Variants in LAMA3 observed in about 807,000 individuals in gnomAD.
LAMA3 encodes laminin subunit alpha 3, also known as laminin subunit alpha-3.
A neutral mutation model predicts 402.0 loss-of-function variants in LAMA3; 281 were observed. The ratio of observed to expected loss-of-function variants is 0.70; its 90% CI spans 0.63 to 0.77. LAMA3 has a LOEUF of 0.77. Among genes scored for constraint, LAMA3 ranks in the 30% least tolerant of loss-of-function variants. The probability of loss-of-function intolerance (pLI) is 0.00; values close to 1 mark genes in which losing one functional copy is unlikely to be tolerated. For synonymous variants in LAMA3, 1,431 were observed against 1,558.4 expected (o/e 0.92, Z 1.93); for missense variants, 3,840 against 4,215.5 (o/e 0.91, Z 2.47).
intron 1 of LAMA3, among the ~76,000 whole-genome samples, chr18:23,696,798 A>G (rs2060693597): frequency 6.6e-6 from 1 of 152,214 alleles, no homozygotes; most frequent in Non-Finnish European, 1.5e-5. Flanking sequence ...CTGCACCCTG[A>G]TAGATGAACT....
At chr18:23,902,940 C>T (rs1007485890) in intron 48 of LAMA3, 69 bp from the exon 49 acceptor site, 20 of 859,614 alleles carry the variant, frequency 2.3e-5, no homozygotes, top group Non-Finnish European at 3.4e-5. Flanking sequence ...TGCTATTGTC[C>T]CATAAATTTG....
At chr18:23,708,840 C>G (rs185845188) in intron 1 of LAMA3, among the ~76,000 whole-genome samples, 1 of 151,676 alleles carries the variant, frequency 6.6e-6, no homozygotes, top group Non-Finnish European at 1.5e-5. Context: ...CACTATACTA[C>G]AGCCTCAAGC....
At chr18:23,789,419 A>G (rs1236934869) in intron 12 of LAMA3, among the ~76,000 whole-genome samples, 2 of 152,230 alleles carry the variant, frequency 1.3e-5, no homozygotes, top group Admixed American at 6.5e-5. Flanking sequence ...GAAACAACCC[A>G]TATGCTCATC....
chr18:23,947,100 A>C (rs1471806098), intron 70 of LAMA3, among the ~76,000 whole-genome samples: 2 of 152,212 alleles, frequency 1.3e-5, no homozygotes, highest in Non-Finnish European at 2.9e-5. Flanking sequence ...CTCTGTCCCC[A>C]GAGAGGAGGG....
chr18:23,888,161 T>C (rs540935233), intron 41 of LAMA3, among the ~76,000 whole-genome samples: 2 of 152,294 alleles, frequency 1.3e-5, no homozygotes, highest in African/African-American at 4.8e-5. Flanking sequence ...AGTCACAAAG[T>C]AAAGCCCTAT....
intron 7 of LAMA3, among the ~76,000 whole-genome samples, chr18:23,759,573 T>G (rs1227766441): frequency 6.6e-6 from 1 of 152,116 alleles, no homozygotes; most frequent in East Asian, 1.9e-4. Context: ...TTTTGCTTGT[T>G]TGTTTGTATT....
chr18:23,797,672 A>C (rs1419861502), intron 12 of LAMA3, among the ~76,000 whole-genome samples: 1 of 151,964 alleles, frequency 6.6e-6, no homozygotes. Context: ...CCAAGATCGC[A>C]CCACTGCACT....
chr18:23,756,892 C>T (rs1453932881), intron 6 of LAMA3, among the ~76,000 whole-genome samples: 2 of 151,520 alleles, frequency 1.3e-5, no homozygotes, highest in African/African-American at 2.4e-5. Context: ...CCTCCTCAGT[C>T]CCCTCCAAGC....
At chr18:23,707,702 T>A (rs2145878537) in intron 1 of LAMA3, among the ~76,000 whole-genome samples, 1 of 152,276 alleles carries the variant, frequency 6.6e-6, no homozygotes, top group Admixed American at 6.5e-5. Flanking sequence ...GGTTTCACTA[T>A]GTTGCTCAGG....
intron 68 of LAMA3, among the ~76,000 whole-genome samples, chr18:23,941,321 T>C (rs1168598663): frequency 1.0e-3 from 16 of 16,060 alleles, no homozygotes; most frequent in African/African-American, 2.7e-3. Flanking sequence ...CTCCATCAGC[T>C]TGGCGCCCCC....
At chr18:23,922,898 GCAGGGTGGAGC>G (rs1233429358) in intron 62 of LAMA3, among the ~76,000 whole-genome samples, 1 of 152,214 alleles carries the variant, frequency 6.6e-6, no homozygotes, top group Non-Finnish European at 1.5e-5. Context: ...GCAACAATGA[GCAGGGTGGAGC>G]CTGGAGAAGA....
Position 23,833,558 on chromosome 18 carries a change from A to G in LAMA3, c.2824-270A>G, listed in dbSNP as rs543839598. ...AGAAGTTTCTCTAAGTAGGGCTGCC[A>G]GATTTAGAAAACGAAAATACGGGAT... On this transcript the variant is annotated intron_variant, in intron 23 of 74. Coordinates refer to ENST00000313654, the MANE Select transcript of LAMA3 (RefSeq NM_198129.4). Among the ~76,000 whole-genome samples, 5 of 152,352 alleles carry G rather than the reference A, an allele frequency of 3.3e-5. No individual in the cohort carries two copies. In the East Asian group the frequency reaches 9.6e-4, roughly 29 times the overall value.
intron 2 of LAMA3, among the ~76,000 whole-genome samples, chr18:23,714,379 G>C (rs1308480860): frequency 1.3e-5 from 2 of 152,070 alleles, no homozygotes; most frequent in Non-Finnish European, 1.5e-5. Context: ...AATTAGCCGG[G>C]TGTGGTGGCG....
chr18:23,887,704 A>G (rs2080485639), intron 41 of LAMA3, among the ~76,000 whole-genome samples: 2 of 152,242 alleles, frequency 1.3e-5, no homozygotes, highest in South Asian at 4.1e-4. Flanking sequence ...TAGATTATGC[A>G]GGAGACTAGC....
At chr18:23,693,029 T>A (rs1242809725) in intron 1 of LAMA3, among the ~76,000 whole-genome samples, 1 of 152,122 alleles carries the variant, frequency 6.6e-6, no homozygotes, top group African/African-American at 2.4e-5. Context: ...TTCTAAATAA[T>A]ATACAAAAAA....
intron 6 of LAMA3, among the ~76,000 whole-genome samples, chr18:23,755,124 G>T: frequency 1.3e-5 from 2 of 152,338 alleles, no homozygotes; most frequent in Middle Eastern, 6.8e-3. Flanking sequence ...ATCTCCCTAA[G>T]ACACTAGAAA....
At chr18:23,841,923 TA>T (rs377642564) in intron 27 of LAMA3, among the ~76,000 whole-genome samples, 64 of 148,216 alleles carry the variant, frequency 4.3e-4, no homozygotes, top group East Asian at 1.4e-3. Flanking sequence ...CCTCGTCCCT[TA>T]AAAAAAAAAT....
intron 29 of LAMA3, among the ~76,000 whole-genome samples, chr18:23,843,356 T>A (rs1158757667): frequency 6.6e-6 from 1 of 152,182 alleles, no homozygotes; most frequent in Non-Finnish European, 1.5e-5. Flanking sequence ...ATAGCCCCGA[T>A]GTGCCTACCC....
intron 2 of LAMA3, among the ~76,000 whole-genome samples, chr18:23,720,051 G>A (rs2061182326): frequency 6.6e-6 from 1 of 152,188 alleles, no homozygotes; most frequent in African/African-American, 2.4e-5. Flanking sequence ...CTTGCACAGT[G>A]TTTAGCATAC....
Sources: gnomAD v4.1 joint callset for allele counts (sites outside exome capture counted in the v4.1 genomes callset) on GRCh38, gnomAD v4.1.1 for gene constraint, MANE v1.5 for transcripts, NCBI Gene and HGNC (gene_info 2026-07-23, HGNC 2026-07-21) for gene names.